The following CLDN10 variants were observed in gnomAD, a reference collection of about 807,000 sequenced individuals.
CLDN10 encodes the protein claudin-10.
CLDN10 carries 15 observed loss-of-function variants against 22.9 expected under a neutral mutation model. That is an observed-to-expected ratio of 0.65 (90% CI 0.44 to 1.01). The LOEUF (loss-of-function observed/expected upper bound fraction) is 1.01, where lower values mean the gene tolerates loss of function less well. Ranked by LOEUF, CLDN10 falls within the 50% of genes least tolerant of loss-of-function variation. The probability of loss-of-function intolerance (pLI) is 0.00; values close to 1 mark genes in which losing one functional copy is unlikely to be tolerated. For missense variants in CLDN10, 247 were observed against 287.8 expected (o/e 0.86, Z 1.03); for synonymous variants, 114 against 111.4 (o/e 1.02, Z -0.15).
intron 1 of CLDN10, among the ~76,000 whole-genome samples, chr13:95,442,597 C>T (rs2042334901): frequency 6.6e-6 from 1 of 152,180 alleles, no homozygotes; most frequent in African/African-American, 2.4e-5. Flanking sequence ...AAAAGGCCCC[C>T]TTTGGGCTCC....
chr13:95,463,561 G>A (rs1179884775), intron 1 of CLDN10, among the ~76,000 whole-genome samples: 2 of 151,160 alleles, frequency 1.3e-5, no homozygotes, highest in Non-Finnish European at 3.0e-5. Flanking sequence ...TTGAACTCCT[G>A]GAATCAAGCA....
At chr13:95,505,396 C>A (rs1419907094) in intron 1 of CLDN10, among the ~76,000 whole-genome samples, 2 of 152,226 alleles carry the variant, frequency 1.3e-5, no homozygotes, top group Non-Finnish European at 2.9e-5. Flanking sequence ...GGATGTCTTA[C>A]AATGGGCACA....
intron 1 of CLDN10, among the ~76,000 whole-genome samples, chr13:95,495,166 G>C (rs1046656106): frequency 6.6e-6 from 1 of 151,772 alleles, no homozygotes; most frequent in East Asian, 2.0e-4. Flanking sequence ...CTCCTGAGTA[G>C]CTGGGACCAC....
At chr13:95,539,815 C>G (rs1471306058) in intron 1 of CLDN10, among the ~76,000 whole-genome samples, 3 of 152,096 alleles carry the variant, frequency 2.0e-5, no homozygotes, top group Non-Finnish European at 4.4e-5. Flanking sequence ...CCATAGAGTA[C>G]AGTATTTTAT....
At chr13:95,506,437 A>G (rs1282091865) in intron 1 of CLDN10, among the ~76,000 whole-genome samples, 1 of 152,080 alleles carries the variant, frequency 6.6e-6, no homozygotes, top group East Asian at 1.9e-4. Flanking sequence ...AAGGAAAGGT[A>G]TCTCCATGGA....
intron 3 of CLDN10, among the ~76,000 whole-genome samples, chr13:95,567,974 CT>C (rs1478258573): frequency 1.3e-5 from 2 of 152,142 alleles, no homozygotes; most frequent in African/African-American, 4.8e-5. Flanking sequence ...TTATCTCATT[CT>C]TGTTGTCAAG....
At chr13:95,499,100 C>G (rs1052140233) in intron 1 of CLDN10, among the ~76,000 whole-genome samples, 1 of 152,160 alleles carries the variant, frequency 6.6e-6, no homozygotes, top group African/African-American at 2.4e-5. Context: ...ATGGATAGGC[C>G]ACATCTTGTT....
intron 1 of CLDN10, among the ~76,000 whole-genome samples, chr13:95,512,002 C>A (rs1314276629): frequency 1.5e-5 from 2 of 131,662 alleles, no homozygotes; most frequent in Non-Finnish European, 3.3e-5. Flanking sequence ...CCCCCCTCTC[C>A]CCCCACCCCA....
intron 1 of CLDN10, among the ~76,000 whole-genome samples, chr13:95,460,463 T>A (rs1009441998): frequency 1.3e-5 from 2 of 152,108 alleles, no homozygotes; most frequent in African/African-American, 4.8e-5. Context: ...TCAGCAAACT[T>A]ACAATCATGG....
At chr13:95,521,517 G>A (rs71433026) in intron 1 of CLDN10, among the ~76,000 whole-genome samples, 9 of 151,932 alleles carry the variant, frequency 5.9e-5, no homozygotes, top group Admixed American at 1.3e-4. Context: ...CAAACTCTGC[G>A]ATGTCAAATA....
chr13:95,439,906 C>T (rs963313773), intron 1 of CLDN10, among the ~76,000 whole-genome samples: 3 of 145,072 alleles, frequency 2.1e-5, no homozygotes. Flanking sequence ...TAGATGCCTC[C>T]AAAATATTAA....
At chr13:95,451,558 G>A (rs1215215377) in intron 1 of CLDN10, among the ~76,000 whole-genome samples, 4 of 152,158 alleles carry the variant, frequency 2.6e-5, no homozygotes, top group Non-Finnish European at 5.9e-5. Flanking sequence ...GGCCTCCCTA[G>A]TAGCTGGGAC....
At chr13:95,507,192 A>G (rs932930301) in intron 1 of CLDN10, among the ~76,000 whole-genome samples, 5 of 152,214 alleles carry the variant, frequency 3.3e-5, no homozygotes, top group African/African-American at 9.7e-5. Context: ...CTATTATCCT[A>G]ATTTCCTACC....
intron 3 of CLDN10, among the ~76,000 whole-genome samples, chr13:95,564,995 C>A (rs1439610911): frequency 6.6e-6 from 1 of 151,784 alleles, no homozygotes; most frequent in East Asian, 1.9e-4. Flanking sequence ...TGCTTTTTTT[C>A]ATTCGAGCTA....
chr13:95,434,013 T>C (rs1200649169), exon 1 of CLDN10: 1 of 1,614,210 alleles, frequency 6.2e-7, no homozygotes, highest in South Asian at 1.1e-5. Context: ...GTTCTTTCCA[T>C]TGCCGACCGC....
At chr13:95,555,030 C>T (rs1239579474) in intron 1 of CLDN10, among the ~76,000 whole-genome samples, 1 of 149,806 alleles carries the variant, frequency 6.7e-6, no homozygotes, top group Non-Finnish European at 1.5e-5. Flanking sequence ...ACATTCTCAC[C>T]ACTCTGTGTT....
At chr13:95,502,695 T>C (rs1374395639) in intron 1 of CLDN10, among the ~76,000 whole-genome samples, 1 of 152,064 alleles carries the variant, frequency 6.6e-6, no homozygotes, top group Non-Finnish European at 1.5e-5. Context: ...AATTTTTGTA[T>C]TTTTTAGTAC....
chr13:95,455,611 G>A (rs1206668602), intron 1 of CLDN10, among the ~76,000 whole-genome samples: 1 of 152,086 alleles, frequency 6.6e-6, no homozygotes, highest in African/African-American at 2.4e-5. Flanking sequence ...ATTTATTCAT[G>A]AATAAATTCT....
chr13:95,571,982 A>T (rs1169213876), intron 3 of CLDN10, among the ~76,000 whole-genome samples: 1 of 152,206 alleles, frequency 6.6e-6, no homozygotes, highest in Non-Finnish European at 1.5e-5. Context: ...TAGCTCTGTG[A>T]CCTTCAGCAA....
Sources: gnomAD v4.1 joint callset for allele counts (sites outside exome capture counted in the v4.1 genomes callset) on GRCh38, gnomAD v4.1.1 for gene constraint, MANE v1.5 for transcripts, NCBI Gene and HGNC (gene_info 2026-07-23, HGNC 2026-07-21) for gene names.